The following EXD2 variants were observed in gnomAD, a reference collection of about 807,000 sequenced individuals.
The protein encoded by EXD2 is exonuclease 3'-5' domain containing 2.
In EXD2, 40 loss-of-function variants were observed where a neutral mutation model predicts 62.5. The observed-to-expected ratio is 0.64, with a 90% CI of 0.50 to 0.83. The LOEUF (loss-of-function observed/expected upper bound fraction) is 0.83. Among genes scored for constraint, EXD2 ranks in the 40% least tolerant of loss-of-function variants. The probability of loss-of-function intolerance (pLI) is 0.00; values close to 1 mark genes in which losing one functional copy is unlikely to be tolerated. For missense variants in EXD2, 671 were observed against 761.8 expected (o/e 0.88, Z 1.40); for synonymous variants, 239 against 291.9 (o/e 0.82, Z 1.85).
rs1430258124 is a variant in EXD2 at position 69,209,594 on chromosome 14, C to G, written c.124C>G (p.Gln42Glu). ...GAGTAAAACGAGTCCTGTGACCCAACAGCCACAGCAGAAAGTGCTGGGCAG... is the reference window on the plus strand; with the variant it reads ...GAGTAAAACGAGTCCTGTGACCCAAGAGCCACAGCAGAAAGTGCTGGGCAG... ...RRSKTSPVTQ[Q>E]PQQKVLGSRE... The change falls in exon 3 of 10, where the codon CAG becomes GAG. Residue 42 changes from glutamine (Q) to glutamate (E), a missense_variant. By Grantham distance (29) the Gln-to-Glu change is conservative. Transcript: ENST00000685843. 1.3e-6 allele frequency: 2 copies of G among 1,550,446 alleles called. No individual in the cohort carries two copies. The highest frequency in any genetic ancestry group is 1.7e-6 in the Non-Finnish European group (2 of 1,146,994).
rs1425685044 is a variant in EXD2, at chr14:69,242,307, A to C, written c.*1207A>C. 1 of 339,900 alleles carries C rather than the reference A, an allele frequency of 2.9e-6. No individual in the cohort carries two copies. The highest frequency in any genetic ancestry group is 5.2e-6 in the Non-Finnish European group (1 of 190,836). The allele number at this position is 339,900 out of a possible 1,614,324, so 21.1% of individuals were successfully genotyped here. Reference sequence around the variant, plus strand: ...AGAGCTCTATTTTGGAATTGTGCCCAAGTTGGTGATGTTTACTCTAAAATT... The same window carrying C: ...AGAGCTCTATTTTGGAATTGTGCCCCAGTTGGTGATGTTTACTCTAAAATT... On this transcript the variant is annotated 3_prime_UTR_variant, in exon 10 of 10. Transcript: ENST00000685843.
rs145543311 is a variant in EXD2 at position 69,195,491 on chromosome 14, G to C, written c.-132+3900G>C. Among the ~76,000 whole-genome samples, 1,466 of 152,236 alleles carry C rather than the reference G, an allele frequency of 9.6e-3. 25 individuals carry two copies. Among genetic ancestry groups the C allele is most frequent in the African/African-American group, 0.034 (1,407 of 41,532 alleles). ...GGATTACAGGTGTGAACCACCACAC[G>C]CAGCTCCAAATCATTTTTTAATGGC... On this transcript the variant is annotated intron_variant, in intron 1 of 9. Transcript: ENST00000685843.
intron 1 of EXD2, among the ~76,000 whole-genome samples, chr14:69,202,070 C>T (rs10145778): frequency 0.047 from 7,091 of 152,114 alleles, 527 homozygotes; most frequent in African/African-American, 0.16. Context: ...GTGGGCAGAT[C>T]GCTTGAGCTC....
At chr14:69,217,505 T>A (rs572899629) in intron 3 of EXD2, among the ~76,000 whole-genome samples, 3 of 152,352 alleles carry the variant, frequency 2.0e-5, no homozygotes, top group East Asian at 3.9e-4. Flanking sequence ...ACAAATAATA[T>A]TCCATTTTGG....
At chr14:69,194,110 C>T (rs1595096698) in intron 1 of EXD2, among the ~76,000 whole-genome samples, 1 of 150,654 alleles carries the variant, frequency 6.6e-6, no homozygotes, top group East Asian at 2.0e-4. Flanking sequence ...TGTTGTTTTC[C>T]AAATACTGTC....
At chr14:69,200,344 G>A (rs2042352775) in intron 1 of EXD2, among the ~76,000 whole-genome samples, 1 of 152,108 alleles carries the variant, frequency 6.6e-6, no homozygotes, top group African/African-American at 2.4e-5. Flanking sequence ...TCTGGAAATG[G>A]GTGATGGTGA....
chr14:69,215,591 T>G (rs945946913), intron 3 of EXD2, among the ~76,000 whole-genome samples: 5 of 152,206 alleles, frequency 3.3e-5, no homozygotes. Context: ...TTACACTAAT[T>G]TAACCTCCCT....
At chr14:69,234,485 A>G (rs2043698135) in intron 5 of EXD2, among the ~76,000 whole-genome samples, 1 of 152,236 alleles carries the variant, frequency 6.6e-6, no homozygotes, top group African/African-American at 2.4e-5. Flanking sequence ...AGTTAAAAAC[A>G]TAGGGAACAT....
In EXD2 at chr14:69,220,253, G is replaced by GTTTTTTTTTTTTTTTTTTT. The variant is rs869194045; in HGVS notation, c.334-8546_334-8528dup. Among the ~76,000 whole-genome samples, 6 of 35,114 alleles carry GTTTTTTTTTTTTTTTTTTT rather than the reference G, an allele frequency of 1.7e-4. 2 individuals are homozygous for GTTTTTTTTTTTTTTTTTTT. The highest frequency in any genetic ancestry group is 4.8e-4 in the Admixed American group (1 of 2,098). The allele number at this position is 35,114 out of a possible 152,430, so 23.0% of individuals were successfully genotyped here. ...CTCTCAGCAAGTGTTTTGTCTCTCT[G>GTTTTTTTTTTTTTTTTTTT]TTTTTTTTTTTTTTTTTTTTTTTTT... On this transcript the variant is annotated intron_variant, in intron 3 of 9. Transcript: ENST00000685843.
chr14:69,218,356 T>A (rs2043054718), intron 3 of EXD2, among the ~76,000 whole-genome samples: 1 of 152,246 alleles, frequency 6.6e-6, no homozygotes, highest in South Asian at 2.1e-4. Context: ...TCTGTTCATA[T>A]CCTTTGCCCA....
chr14:69,225,542 T>A (rs1387754874), intron 3 of EXD2, among the ~76,000 whole-genome samples: 2 of 152,226 alleles, frequency 1.3e-5, no homozygotes, highest in African/African-American at 4.8e-5. Flanking sequence ...TATATGTGCG[T>A]AATTTATAAA....
chr14:69,230,653 C>A, intron 5 of EXD2, 55 bp downstream of exon 5: 1 of 1,542,800 alleles, frequency 6.5e-7, no homozygotes, highest in Non-Finnish European at 8.7e-7. Flanking sequence ...TGAAGTATAA[C>A]TGTTTATAAA....
chr14:69,212,342 A>T (rs993987004), intron 3 of EXD2, among the ~76,000 whole-genome samples: 1 of 152,194 alleles, frequency 6.6e-6, no homozygotes, highest in Non-Finnish European at 1.5e-5. Context: ...ACGCCACTGC[A>T]TTCCAACCTG....
intron 1 of EXD2, among the ~76,000 whole-genome samples, chr14:69,192,605 C>T (rs944151330): frequency 6.6e-6 from 1 of 151,768 alleles, no homozygotes; most frequent in African/African-American, 2.4e-5. Flanking sequence ...CTTTACCAGT[C>T]CCTTTCCCAC....
intron 3 of EXD2, among the ~76,000 whole-genome samples, chr14:69,217,043 T>C (rs2043009061): frequency 1.3e-5 from 2 of 151,994 alleles, no homozygotes; most frequent in Non-Finnish European, 2.9e-5. Context: ...ACTCTCTACT[T>C]CTATGAGATC....
chr14:69,238,838 C>T (rs1310230076), intron 9 of EXD2, among the ~76,000 whole-genome samples: 1 of 152,064 alleles, frequency 6.6e-6, no homozygotes, highest in African/African-American at 2.4e-5. Flanking sequence ...TTTCACCAGG[C>T]TGCCCAGGCT....
chr14:69,210,768 C>A (rs1446473543), intron 3 of EXD2, among the ~76,000 whole-genome samples: 1 of 151,960 alleles, frequency 6.6e-6, no homozygotes, highest in Non-Finnish European at 1.5e-5. Flanking sequence ...TATGAACACA[C>A]CACTGCACTT....
At chr14:69,220,253 G>GTTTTTTGTT (rs2043126549) in intron 3 of EXD2, among the ~76,000 whole-genome samples, 2 of 35,092 alleles carry the variant, frequency 5.7e-5, no homozygotes, top group Non-Finnish European at 9.9e-5. Context: ...TTGTCTCTCT[G>GTTTTTTGTT]TTTTTTTTTT....
At chr14:69,209,368 T>G in intron 2 of EXD2, 56 bp from the exon 3 acceptor site, 1 of 947,268 alleles carries the variant, frequency 1.1e-6, no homozygotes. Context: ...GGAAAACTTG[T>G]TTATGTAAAG....
Sources: allele counts gnomAD v4.1 joint callset (sites outside exome capture counted in the v4.1 genomes callset), GRCh38; gene constraint gnomAD v4.1.1; transcripts MANE v1.5; gene names NCBI Gene and HGNC (gene_info 2026-07-23, HGNC 2026-07-21).